OVOL2: variants seen among roughly 807,000 people sequenced by gnomAD.
The protein encoded by OVOL2 is ovo like zinc finger 2, also known as transcription factor Ovo-like 2.
Under a neutral mutation model 18.1 loss-of-function variants are expected in OVOL2, and 13 were observed. That is an observed-to-expected ratio of 0.72 (90% confidence interval 0.47 to 1.14). OVOL2 has a LOEUF of 1.14. OVOL2 is among the 50% of genes most tolerant of loss of function. OVOL2 has a pLI of 0.00. For synonymous variants in OVOL2, 166 were observed against 162.7 expected (o/e 1.02, Z -0.16); for missense variants, 335 against 383.0 (o/e 0.87, Z 1.05).
intron 3 of OVOL2, among the ~76,000 whole-genome samples, chr20:18,038,490 G>A (rs1417314193): frequency 2.0e-5 from 3 of 152,150 alleles, no homozygotes; most frequent in Non-Finnish European, 2.9e-5. Context: ...CTATGTGACC[G>A]CCTCAACTTG....
At chr20:18,043,277 A>T (rs1027945049) in intron 2 of OVOL2, among the ~76,000 whole-genome samples, 3 of 152,194 alleles carry the variant, frequency 2.0e-5, no homozygotes, top group Admixed American at 6.5e-5. Context: ...TTATCAAGAG[A>T]TGGAGACTGT....
chr20:18,048,286 A>G (rs971298168), intron 2 of OVOL2, among the ~76,000 whole-genome samples: 1 of 152,174 alleles, frequency 6.6e-6, no homozygotes, highest in African/African-American at 2.4e-5. Context: ...GACTGTCTCA[A>G]AAGAAGAAAA....
chr20:18,057,512 G>T lies in OVOL2; in HGVS notation c.100+23C>A, dbSNP rs779098003. On this transcript the variant is annotated intron_variant, in intron 1 of 3. Coordinates refer to ENST00000278780, the MANE Select transcript of OVOL2 (RefSeq NM_021220.4). The surrounding 1 kb of genome is among the most constrained non-coding windows in gnomAD (Gnocchi z 6.3). ...CCCACCCCGGGAGCCCAGCGCCCAG[G>T]CCCGGCCCCCGCGCGCGCTCACCTG... is the stretch of plus-strand genomic sequence containing the variant. 5 of 1,550,802 alleles carry T rather than the reference G, an allele frequency of 3.2e-6. No homozygotes were observed. Among genetic ancestry groups the T allele is most frequent in the Admixed American group, 3.9e-5 (2 of 51,482 alleles).
At chr20:18,054,778 A>AAAG (rs767229652) in intron 2 of OVOL2, among the ~76,000 whole-genome samples, 4,359 of 140,098 alleles carry the variant, frequency 0.031, 111 homozygotes, top group South Asian at 0.067. Context: ...AAAAAAAAAA[A>AAAG]AAAAGAAAGA....
In OVOL2 at chr20:18,027,546, G is replaced by A. The variant is rs1182566905; in HGVS notation, c.512-2594C>T. On this transcript the variant is annotated intron_variant, in intron 3 of 3. Coordinates refer to ENST00000278780, the MANE Select transcript of OVOL2 (RefSeq NM_021220.4). Reference sequence around the variant, plus strand: ...CCGTCTCCAAAAAAAAAAAAAATAAGTAAATAAATAAATAAATAAATGAAA... The same window carrying A: ...CCGTCTCCAAAAAAAAAAAAAATAAATAAATAAATAAATAAATAAATGAAA... Among the ~76,000 whole-genome samples the A allele has an allele frequency of 1.2e-4, 18 of 149,602 alleles. 1 individual carries two copies. Among genetic ancestry groups the A allele is most frequent in the Admixed American group, 1.0e-3 (15 of 15,012 alleles).
intron 3 of OVOL2, among the ~76,000 whole-genome samples, chr20:18,032,721 G>A (rs1266328874): frequency 2.6e-5 from 4 of 152,036 alleles, no homozygotes; most frequent in East Asian, 1.9e-4. Flanking sequence ...TGGCCAGGCC[G>A]GTCTCAAACT....
chr20:18,047,853 CAAAAAAAAAAAAAA>C (rs34668253), intron 2 of OVOL2, among the ~76,000 whole-genome samples: 8 of 47,158 alleles, frequency 1.7e-4, no homozygotes, highest in African/African-American at 6.9e-4. Flanking sequence ...GACTCCGTCT[CAAAAAAAAAAAAAA>C]AAAAAAAAAA....
chr20:18,030,177 T>A (rs1476631364), intron 3 of OVOL2, among the ~76,000 whole-genome samples: 3 of 152,214 alleles, frequency 2.0e-5, no homozygotes, highest in Non-Finnish European at 2.9e-5. Flanking sequence ...CGCTCTAGCT[T>A]TCATGTTTGC....
intron 3 of OVOL2, among the ~76,000 whole-genome samples, chr20:18,026,618 T>G (rs2036520780): frequency 6.6e-6 from 1 of 152,160 alleles, no homozygotes; most frequent in Non-Finnish European, 1.5e-5. Flanking sequence ...CCTGACCTTG[T>G]GATCTGCCCC....
intron 3 of OVOL2, 83 bp downstream of exon 3, chr20:18,041,451 A>C (rs1409844373): frequency 6.7e-7 from 1 of 1,495,846 alleles, no homozygotes; most frequent in Non-Finnish European, 9.1e-7. Context: ...CCACGGTCTC[A>C]ACCTGGTTTT....
chr20:18,047,778 C>T (rs1298762127), intron 2 of OVOL2, among the ~76,000 whole-genome samples: 5 of 127,252 alleles, frequency 3.9e-5, no homozygotes, highest in East Asian at 2.6e-4. Context: ...CACTTGAACC[C>T]GGGAGGCGGA....
intron 2 of OVOL2, among the ~76,000 whole-genome samples, chr20:18,045,669 G>A (rs1447600253): frequency 6.6e-6 from 1 of 152,134 alleles, no homozygotes; most frequent in Admixed American, 6.6e-5. Context: ...TTTAGAGATA[G>A]AATCTCACTA....
In OVOL2 at chr20:18,056,642, G is replaced by A. The variant is rs760936433; in HGVS notation, c.321+15C>T. ...CGTGGTGCAGGTGGCGGCGGGGGCA[G>A]AGTCGACACAGTACCTTGATTTTCG... On this transcript the variant is annotated intron_variant, in intron 2 of 3. Transcript: ENST00000278780. This position sits in a 1 kb window ranked among gnomAD's most constrained non-coding sequence, Gnocchi z 4.2. The A allele has an allele frequency of 1.4e-6, 2 of 1,398,116 alleles. No homozygotes were observed. Among genetic ancestry groups the A allele is most frequent in the South Asian group, 3.3e-5 (2 of 60,158 alleles). 86.6% of individuals were successfully genotyped at this position (1,398,116 alleles called of 1,614,324 possible). A position where few individuals can be genotyped will look rare whatever the true frequency, so the allele number is the denominator to read the frequency against.
chr20:18,057,579 C>A lies in OVOL2; in HGVS notation c.56G>T (p.Trp19Leu). 6.3e-7 allele frequency: 1 copy of A among 1,597,866 alleles called. No individual in the cohort carries two copies. The part of the protein sequence containing the change: ...RRSLGVSVRS[W>L]DELPDEKRAD... ...CCTTTTCTCATCCGGGAGCTCATCC[C>A]AGCTGCGGACCGAGACCCCCAGGCT... The change falls in exon 1 of 4, where the codon TGG (tryptophan) becomes TTG (leucine). Residue 19 changes from tryptophan (W) to leucine (L), a missense_variant. By Grantham distance (61) the Trp-to-Leu change is moderately conservative. Coordinates refer to ENST00000278780, the MANE Select transcript of OVOL2 (RefSeq NM_021220.4). The surrounding 1 kb of genome is among the most constrained non-coding windows in gnomAD (Gnocchi z 6.3).
chr20:18,033,023 G>C (rs2036584907), intron 3 of OVOL2, among the ~76,000 whole-genome samples: 2 of 152,144 alleles, frequency 1.3e-5, no homozygotes, highest in South Asian at 4.1e-4. Context: ...AACTGGACCA[G>C]GCAATTCCGC....
At chr20:18,042,260 T>C (rs1415610448) in intron 2 of OVOL2, among the ~76,000 whole-genome samples, 1 of 152,070 alleles carries the variant, frequency 6.6e-6, no homozygotes, top group Non-Finnish European at 1.5e-5. Context: ...AACAAACCTC[T>C]GACTTCTAGC....
Position 18,057,485 on chromosome 20 carries a change from C to T in OVOL2, c.100+50G>A, listed in dbSNP as rs1355738905. ...GAGCAGAGAAGACCCGCCACCCCTT[C>T]CCCCACCCCGGGAGCCCAGCGCCCA... On this transcript the variant is annotated intron_variant, in intron 1 of 3. Coordinates refer to ENST00000278780, the MANE Select transcript of OVOL2 (RefSeq NM_021220.4). The surrounding 1 kb of genome is among the most constrained non-coding windows in gnomAD (Gnocchi z 6.3). 1 of 1,491,048 alleles carries T rather than the reference C, an allele frequency of 6.7e-7. No individual in the cohort carries two copies. Among genetic ancestry groups the T allele is most frequent in the South Asian group, 1.2e-5 (1 of 82,868 alleles). The allele number at this position is 1,491,048 out of a possible 1,614,324, so 92.4% of individuals were successfully genotyped here.
intron 3 of OVOL2, among the ~76,000 whole-genome samples, chr20:18,027,528 CAAA>C (rs111486319): frequency 1.1e-3 from 156 of 142,700 alleles, no homozygotes; most frequent in Middle Eastern, 7.0e-3. Flanking sequence ...ACTCCGTCTC[CAAA>C]AAAAAAAAAA....
At position 18,034,651 on chromosome 20, in the gene OVOL2, T is replaced by TCA. The variant is rs1555794800; in HGVS notation, c.511+6881_511+6882dup. On this transcript the variant is annotated intron_variant, in intron 3 of 3. Transcript: ENST00000278780. ...TTCTCTCTCTCTCTCTCTCTCTCTC[T>TCA]CACACACACACACACACACACCCCT... 4.1e-3 allele frequency among the ~76,000 whole-genome samples: 593 copies of TCA among 145,666 alleles called. 1 individual carries two copies. Among genetic ancestry groups the TCA allele is most frequent in the Non-Finnish European group, 5.2e-3 (346 of 66,760 alleles).
Sources: gnomAD v4.1 joint callset for allele counts (sites outside exome capture counted in the v4.1 genomes callset) on GRCh38, gnomAD v4.1.1 for gene constraint, Gnocchi (gnomAD v3.1) non-coding constraint, MANE v1.5 for transcripts, NCBI Gene and HGNC (gene_info 2026-07-23, HGNC 2026-07-21) for gene names.